DOCK2: variants seen among roughly 807,000 people sequenced by gnomAD.
DOCK2 encodes dedicator of cytokinesis protein 2.
A neutral mutation model predicts 248.9 loss-of-function variants in DOCK2; 87 were observed. The ratio of observed to expected loss-of-function variants is 0.35; its 90% CI spans 0.29 to 0.42. The LOEUF (loss-of-function observed/expected upper bound fraction) is 0.42. Among genes scored for constraint, DOCK2 ranks in the 10% least tolerant of loss-of-function variants. The probability of loss-of-function intolerance (pLI) is 1.00; values close to 1 mark genes in which losing one functional copy is unlikely to be tolerated. For synonymous variants in DOCK2, 805 were observed against 821.6 expected (o/e 0.98, Z 0.35); for missense variants, 1,747 against 2,300.2 (o/e 0.76, Z 4.92).
At chr5:170,077,862 C>T (rs1757891044) in intron 48 of DOCK2, 25 bp downstream of exon 48, 1 of 1,607,446 alleles carries the variant, frequency 6.2e-7, no homozygotes, top group South Asian at 1.1e-5. Flanking sequence ...CCCAAGGAGC[C>T]CCCCACACCC....
At chr5:170,008,445 C>T (rs1268038285) in intron 30 of DOCK2, 52 bp from the exon 31 acceptor site, 5 of 1,590,796 alleles carry the variant, frequency 3.1e-6, no homozygotes, top group African/African-American at 1.3e-5. Flanking sequence ...AGCGCTTATG[C>T]CTTCCCGCTT....
At chr5:169,716,102 T>G in intron 19 of DOCK2, 111 bp from the exon 20 acceptor site, 3 of 941,932 alleles carry the variant, frequency 3.2e-6, no homozygotes, top group Non-Finnish European at 4.9e-6. Flanking sequence ...GAGCATGACA[T>G]GTGGTGGATG....
intron 49 of DOCK2, chr5:170,079,962 T>G: frequency 3.1e-4 from 185 of 603,870 alleles, no homozygotes; most frequent in Non-Finnish European, 3.7e-4. Flanking sequence ...CACCCCCGCC[T>G]GTAGTTGTGT....
chr5:169,928,567 G>A (rs1001135548), intron 27 of DOCK2, among the ~76,000 whole-genome samples: 7 of 152,256 alleles, frequency 4.6e-5, no homozygotes, highest in Non-Finnish European at 1.0e-4. Flanking sequence ...ATGAAGCATC[G>A]TCCATCCAAA....
At chr5:170,070,803 C>T (rs959586246) in intron 46 of DOCK2, among the ~76,000 whole-genome samples, 3 of 152,168 alleles carry the variant, frequency 2.0e-5, no homozygotes, top group Non-Finnish European at 4.4e-5. Flanking sequence ...TTTACTGTAC[C>T]CAAAGAATGA....
chr5:170,000,954 G>A (rs1178131298), intron 30 of DOCK2, among the ~76,000 whole-genome samples: 2 of 152,192 alleles, frequency 1.3e-5, no homozygotes, highest in Non-Finnish European at 2.9e-5. Flanking sequence ...CATACAGAGG[G>A]AGCAGTCATC....
chr5:169,883,525 G>T, intron 27 of DOCK2: 1 of 1,551,648 alleles, frequency 6.4e-7, no homozygotes, highest in Non-Finnish European at 8.7e-7. Flanking sequence ...GGAGGCTGTT[G>T]GCATTTCCAC....
chr5:169,808,656 G>C (rs185533581), intron 26 of DOCK2, among the ~76,000 whole-genome samples: 2 of 152,072 alleles, frequency 1.3e-5, no homozygotes, highest in Admixed American at 1.3e-4. Flanking sequence ...ACACTGCTTC[G>C]TTCTGTGCTT....
chr5:170,021,159 T>C (rs9313482), intron 33 of DOCK2, among the ~76,000 whole-genome samples: 35,183 of 151,890 alleles, frequency 0.23, 5,040 homozygotes, highest in African/African-American at 0.41. Flanking sequence ...GAAATCTGGC[T>C]GAGTAGGTCA....
intron 29 of DOCK2, 92 bp downstream of exon 29, chr5:169,986,014 T>C: frequency 8.3e-7 from 1 of 1,211,240 alleles, no homozygotes; most frequent in Admixed American, 2.1e-5. Context: ...AATTTCTCCT[T>C]GCTGAAAAGA....
intron 26 of DOCK2, among the ~76,000 whole-genome samples, chr5:169,803,708 T>G (rs1316038815): frequency 6.6e-6 from 1 of 152,186 alleles, no homozygotes; most frequent in African/African-American, 2.4e-5. Context: ...GGTAGGGAGA[T>G]GCCTGTGGCC....
At chr5:169,670,639 A>T in intron 4 of DOCK2, 42 bp downstream of exon 4, 1 of 1,609,218 alleles carries the variant, frequency 6.2e-7, no homozygotes, top group Non-Finnish European at 8.5e-7. Context: ...CCAGTGGCTC[A>T]TGGATGTCTC....
intron 50 of DOCK2, chr5:170,081,077 G>C (rs1330091983): frequency 6.6e-6 from 1 of 152,380 alleles, no homozygotes. Flanking sequence ...CCAGGAAGTA[G>C]TTCATGTTAT....
chr5:169,639,624 G>A (rs1276366605), intron 1 of DOCK2, among the ~76,000 whole-genome samples: 1 of 152,134 alleles, frequency 6.6e-6, no homozygotes, highest in Non-Finnish European at 1.5e-5. Flanking sequence ...AGGATGCAGG[G>A]AAAAAGAAGG....
At chr5:169,778,974 C>A (rs1325693513) in intron 25 of DOCK2, among the ~76,000 whole-genome samples, 8 of 152,138 alleles carry the variant, frequency 5.3e-5, no homozygotes, top group Admixed American at 4.6e-4. Flanking sequence ...CAGTTAGCAT[C>A]ACGTGAAAAA....
At chr5:169,989,384 A>T (rs779278367) in intron 29 of DOCK2, among the ~76,000 whole-genome samples, 11 of 152,080 alleles carry the variant, frequency 7.2e-5, no homozygotes, top group Non-Finnish European at 2.9e-5. Context: ...TCTGCACCTC[A>T]CTCTAGAAAT....
chr5:170,079,320 C>T (rs1757945632), intron 49 of DOCK2, 174 bp downstream of exon 49: 6 of 885,992 alleles, frequency 6.8e-6, no homozygotes, highest in Non-Finnish European at 1.0e-5. Flanking sequence ...TACTCGTGCC[C>T]AGGCAGCTGG....
Position 169,703,222 on chromosome 5 carries a change from C to T in DOCK2, c.1383+795C>T, listed in dbSNP as rs114423825. Among the ~76,000 whole-genome samples, 762 of 152,082 alleles carry T rather than the reference C, an allele frequency of 5.0e-3. 12 individuals are homozygous for T. The highest frequency in any genetic ancestry group is 0.017 in the African/African-American group (726 of 41,490). ...TGAGTGATCAAATAGCCAAGCAGGG[C>T]GGGTGTGTTCATCAGAGAGGGGATG... On this transcript the variant is annotated intron_variant, in intron 14 of 51. Transcript: ENST00000520908.
rs1166233661 is a variant in DOCK2 at position 169,753,356 on chromosome 5, A to ACC, written c.2376+5860_2376+5861dup. Among the ~76,000 whole-genome samples the ACC allele has an allele frequency of 1.3e-4, 18 of 140,196 alleles. No individual in the cohort carries two copies. In the South Asian group the frequency reaches 1.8e-3, roughly 14 times the overall value. 92.0% of individuals were successfully genotyped at this position (140,196 alleles called of 152,430 possible). On this transcript the variant is annotated intron_variant, in intron 23 of 51. Transcript: ENST00000520908. ...TTGTCCCGATGTTCTCCCTGCCCTC[A>ACC]CCCCCCCCCACCCCCTGACAGCTCC...
Sources: gnomAD v4.1 joint callset for allele counts (sites outside exome capture counted in the v4.1 genomes callset) on GRCh38, gnomAD v4.1.1 for gene constraint, MANE v1.5 for transcripts, NCBI Gene and HGNC (gene_info 2026-07-23, HGNC 2026-07-21) for gene names.